KNDC1: variants seen among roughly 807,000 people sequenced by gnomAD.
KNDC1 encodes kinase non-catalytic C-lobe domain containing 1, also known as kinase non-catalytic C-lobe domain-containing protein 1.
KNDC1 carries 106 observed loss-of-function variants against 172.8 expected under a neutral mutation model. The ratio of observed to expected loss-of-function variants is 0.61; its 90% CI spans 0.52 to 0.72. The LOEUF is 0.72. Among genes scored for constraint, KNDC1 ranks in the 30% least tolerant of loss-of-function variants. KNDC1 has a pLI of 0.00. For missense variants in KNDC1, 2,325 were observed against 2,394.5 expected (o/e 0.97, Z 0.61); for synonymous variants, 1,083 against 1,062.2 (o/e 1.02, Z -0.38).
chr10:133,205,045 C>CACCCCCAGAATCACCACCCTCCTG (rs1564894781), intron 17 of KNDC1, among the ~76,000 whole-genome samples: 3 of 152,230 alleles, frequency 2.0e-5, no homozygotes, highest in African/African-American at 7.2e-5. Context: ...CCACCCTCCT[C>CACCCCCAGAATCACCACCCTCCTG]AGTACTGGGC....
rs1853212372 is a variant in KNDC1, at chr10:133,167,583, A to AGGCGGCGGTGGCGGTGGCGGC, written c.301+13_301+33dup. ...TGTTTCATGGAGCAGCTCAGCGGTGAGGCGGCGGTGGCGGTGGCGGCGGCG... is the reference window on the plus strand; with the variant it reads ...TGTTTCATGGAGCAGCTCAGCGGTGAGGCGGCGGTGGCGGTGGCGGCGGCGGCGGTGGCGGTGGCGGCGGCG... On this transcript the variant is annotated splice_donor_region_variant and intron_variant, in intron 2 of 29. Coordinates refer to ENST00000304613, the MANE Select transcript of KNDC1 (RefSeq NM_152643.8). 2 of 1,579,128 alleles carry AGGCGGCGGTGGCGGTGGCGGC rather than the reference A, an allele frequency of 1.3e-6. No individual in the cohort carries two copies. The highest frequency in any genetic ancestry group is 2.3e-5 in the East Asian group (1 of 42,880).
intron 15 of KNDC1, among the ~76,000 whole-genome samples, chr10:133,199,827 G>A (rs1854311041): frequency 6.6e-6 from 1 of 152,196 alleles, no homozygotes; most frequent in Non-Finnish European, 1.5e-5. Context: ...GGTTTCTTCT[G>A]GAGGACGAAA....
intron 12 of KNDC1, among the ~76,000 whole-genome samples, 155 bp from the exon 13 acceptor site, chr10:133,198,182 C>T (rs1320123491): frequency 6.6e-6 from 1 of 152,228 alleles, no homozygotes; most frequent in Non-Finnish European, 1.5e-5. Context: ...CCCTCCCATT[C>T]CAGGGCCCAG....
chr10:133,188,768 C>A (rs1443926399), intron 7 of KNDC1, 115 bp downstream of exon 7: 7 of 586,870 alleles, frequency 1.2e-5, no homozygotes, highest in Non-Finnish European at 1.8e-5. Context: ...CCACGCCCCC[C>A]CACTGTCCCA....
At position 133,200,474 on chromosome 10, in the gene KNDC1, G is replaced by C; in HGVS notation, c.2989+14G>C. 2.0e-6 allele frequency: 3 copies of C among 1,514,992 alleles called. No individual in the cohort carries two copies. Among genetic ancestry groups the C allele is most frequent in the Non-Finnish European group, 2.6e-6 (3 of 1,132,350 alleles). 93.8% of individuals were successfully genotyped at this position (1,514,992 alleles called of 1,614,324 possible). ...TGCACCGCCTGGGTAAGTGCTGGGC[G>C]GGCCCCGCGGCAGGAGCTCTGCTGG... On this transcript the variant is annotated intron_variant, in intron 16 of 29. Transcript: ENST00000304613.
At chr10:133,164,610 C>T (rs1041624466) in intron 1 of KNDC1, among the ~76,000 whole-genome samples, 1 of 152,244 alleles carries the variant, frequency 6.6e-6, no homozygotes, top group African/African-American at 2.4e-5. Flanking sequence ...CTCGGCAGCC[C>T]CGCAGCCCGG....
In KNDC1 at chr10:133,188,649, C is replaced by T; in HGVS notation, c.1437C>T (p.His479=). 2 of 1,576,464 alleles carry T rather than the reference C, an allele frequency of 1.3e-6. No individual in the cohort carries two copies. Among genetic ancestry groups the T allele is most frequent in the Non-Finnish European group, 1.7e-6 (2 of 1,163,710 alleles). Residue 479 remains histidine (H), a synonymous_variant, in exon 7 of 30, where the codon CAC becomes CAT. Transcript: ENST00000304613. ...CLRALQTRPE[H]PAYLCLDSVL... is the part of the protein sequence containing the mutation. Reference sequence around the variant, plus strand: ...GCGCACTGCAGACACGCCCTGAGCACCCAGGTGACGCACGCACCATCCCAT... The same window carrying T: ...GCGCACTGCAGACACGCCCTGAGCATCCAGGTGACGCACGCACCATCCCAT...
In KNDC1 at chr10:133,218,799, A is replaced by T. The variant is rs1415955940; in HGVS notation, c.4678-32A>T. On this transcript the variant is annotated intron_variant, in intron 26 of 29. Coordinates refer to ENST00000304613, the MANE Select transcript of KNDC1 (RefSeq NM_152643.8). ...ATTCCCTTTGTTCATCTTAAACCAG[A>T]AGACGCTGAATGTGTCATTTTCTTA... 4 of 1,602,526 alleles carry T rather than the reference A, an allele frequency of 2.5e-6. No individual in the cohort carries two copies. The Admixed American group carries it at 6.7e-5, about 27-fold the overall frequency.
chr10:133,197,669 C>T lies in KNDC1; in HGVS notation c.1813-6C>T, dbSNP rs1412538124. Reference sequence around the variant, plus strand: ...ACCTGGCCCAGGGCTGTCACCTCCTCCCCAGGTGTACCAGGAGGAAGAGAC... The same window carrying T: ...ACCTGGCCCAGGGCTGTCACCTCCTTCCCAGGTGTACCAGGAGGAAGAGAC... On this transcript the variant is annotated splice_polypyrimidine_tract_variant and splice_region_variant and intron_variant, in intron 11 of 29. Transcript: ENST00000304613. 6 of 1,610,176 alleles carry T rather than the reference C, an allele frequency of 3.7e-6. No homozygotes were observed. In the East Asian group the frequency reaches 6.7e-5, roughly 18 times the overall value.
rs985430419 is a variant in KNDC1 at position 133,224,271 on chromosome 10, C to T, written c.5019-388C>T. The stretch of plus-strand genomic sequence containing the variant: ...CTGTCCCAGGCTTCCGGCCCTGGGC[C>T]CCGGCCGTGGCGATTCCCAGGTGTG... On this transcript the variant is annotated intron_variant, in intron 29 of 29. Transcript: ENST00000304613. This position sits in a 1 kb window ranked among gnomAD's most constrained non-coding sequence, Gnocchi z 5.4. 1.3e-5 allele frequency among the ~76,000 whole-genome samples: 2 copies of T among 152,168 alleles called. No individual in the cohort carries two copies. The highest frequency in any genetic ancestry group is 2.4e-5 in the African/African-American group (1 of 41,446).
Position 133,200,364 on chromosome 10 carries a change from C to A in KNDC1, c.2904-11C>A, listed in dbSNP as rs111334005. 8.2e-6 allele frequency: 13 copies of A among 1,576,408 alleles called. 1 individual carries two copies. In the African/African-American group the frequency reaches 8.3e-5, roughly 10 times the overall value. ...GCGGAGGTGGGGACTGACCTGCATT[C>A]TCGTCGTCAGCACGGCCGAGGAGGC... On this transcript the variant is annotated splice_polypyrimidine_tract_variant and intron_variant, in intron 15 of 29. Coordinates refer to ENST00000304613, the MANE Select transcript of KNDC1 (RefSeq NM_152643.8).
In KNDC1 at chr10:133,224,989, C is replaced by A; in HGVS notation, c.*99C>A. The A allele has an allele frequency of 1.1e-6, 1 of 925,660 alleles. No homozygotes were observed. The highest frequency in any genetic ancestry group is 1.7e-6 in the Non-Finnish European group (1 of 592,720). The allele number at this position is 925,660 out of a possible 1,614,324, so 57.3% of individuals were successfully genotyped here. On this transcript the variant is annotated 3_prime_UTR_variant, in exon 30 of 30. Transcript: ENST00000304613. The surrounding 1 kb of genome is among the most constrained non-coding windows in gnomAD (Gnocchi z 5.4). Reference sequence around the variant, plus strand: ...GTCTCAGGCCCGGCCGTTATCAAGGCCCCTCCGCCCCCGAACCCTGGGGAG... The same window carrying A: ...GTCTCAGGCCCGGCCGTTATCAAGGACCCTCCGCCCCCGAACCCTGGGGAG...
In KNDC1 at chr10:133,209,870, C is replaced by A. The variant is rs1384364383; in HGVS notation, c.3795-741C>A. Among the ~76,000 whole-genome samples the A allele has an allele frequency of 2.0e-5, 3 of 152,108 alleles. No individual in the cohort carries two copies. Among genetic ancestry groups the A allele is most frequent in the African/African-American group, 7.2e-5 (3 of 41,390 alleles). ...GGAGGCCTTGCCAGGCCTCCGCTTC[C>A]TGACCGTGGCCGTCGGGCTCCCAGG... On this transcript the variant is annotated intron_variant, in intron 20 of 29. Coordinates refer to ENST00000304613, the MANE Select transcript of KNDC1 (RefSeq NM_152643.8). This position sits in a 1 kb window ranked among gnomAD's most constrained non-coding sequence, Gnocchi z 4.9.
rs572157125 is a variant in KNDC1 at position 133,210,837 on chromosome 10, G to T, written c.3908+113G>T. 5.7e-6 allele frequency: 5 copies of T among 879,552 alleles called. No homozygotes were observed. The East Asian group carries it at 1.2e-4, about 21-fold the overall frequency. The allele number at this position is 879,552 out of a possible 1,614,324, so 54.5% of individuals were successfully genotyped here. ...ACGAGGTGGTCCCTGGCGACCCAAG[G>T]GGGTGAGGGGCCAGGGAAGCCTGGC... is the stretch of plus-strand genomic sequence containing the variant. On this transcript the variant is annotated intron_variant, in intron 21 of 29. Transcript: ENST00000304613.
intron 2 of KNDC1, 39 bp from the exon 3 acceptor site, chr10:133,168,215 G>A: frequency 1.9e-6 from 3 of 1,593,780 alleles, no homozygotes; most frequent in Non-Finnish European, 2.6e-6. Context: ...TTGCAGGTGT[G>A]ACCAGAAGCC....
chr10:133,217,907 T>A (rs1241977123), intron 26 of KNDC1, among the ~76,000 whole-genome samples: 16 of 151,876 alleles, frequency 1.1e-4, no homozygotes, highest in Non-Finnish European at 2.4e-4. Flanking sequence ...AAACCCTGTC[T>A]CCACTAAAAA....
chr10:133,214,169 C>G (rs1845430057), intron 26 of KNDC1, 47 bp downstream of exon 26: 1 of 1,604,440 alleles, frequency 6.2e-7, no homozygotes, highest in South Asian at 1.1e-5. Flanking sequence ...TGGGGCCCAC[C>G]TACGCGGGGG....
At chr10:133,204,553 G>C (rs927040564) in intron 17 of KNDC1, among the ~76,000 whole-genome samples, 2 of 152,158 alleles carry the variant, frequency 1.3e-5, no homozygotes, top group Non-Finnish European at 2.9e-5. Flanking sequence ...CCGTGGCACC[G>C]CCACGGCCGC....
rs115742200 is a variant in KNDC1, at chr10:133,202,429, G to A, written c.3387+531G>A. ...CAGCAGGGAGAGGAGGTCTTAGACCGGGGAGTCCTGGGTGCAGGAGAGGCC... is the reference window on the plus strand; with the variant it reads ...CAGCAGGGAGAGGAGGTCTTAGACCAGGGAGTCCTGGGTGCAGGAGAGGCC... On this transcript the variant is annotated intron_variant, in intron 17 of 29. Transcript: ENST00000304613. The A allele has an allele frequency of 6.6e-3, 2,705 of 408,048 alleles. 73 individuals carry two copies. Among genetic ancestry groups the A allele is most frequent in the African/African-American group, 0.051 (2,449 of 48,470 alleles). The allele number at this position is 408,048 out of a possible 1,614,324, so 25.3% of individuals were successfully genotyped here.
Sources: gnomAD v4.1 joint callset for allele counts (sites outside exome capture counted in the v4.1 genomes callset) on GRCh38, gnomAD v4.1.1 for gene constraint, Gnocchi (gnomAD v3.1) non-coding constraint, MANE v1.5 for transcripts, NCBI Gene and HGNC (gene_info 2026-07-23, HGNC 2026-07-21) for gene names.